The following C14orf39 variants were observed in gnomAD, a reference collection of about 807,000 sequenced individuals.
C14orf39 encodes protein SIX6OS1.
In C14orf39, 66 loss-of-function variants were observed where a neutral mutation model predicts 85.6. The observed-to-expected ratio is 0.77, with a 90% CI of 0.63 to 0.95. C14orf39 has a LOEUF of 0.95. Ranked by LOEUF, C14orf39 falls within the 40% of genes least tolerant of loss-of-function variation. The pLI, the probability that C14orf39 is intolerant of heterozygous loss-of-function variation, is 0.00. For synonymous variants in C14orf39, 242 were observed against 214.0 expected, an observed-to-expected ratio of 1.13 and a Z score of -1.14; for missense variants, 735 against 663.9, an observed-to-expected ratio of 1.11 and a Z score of -1.18.
chr14:60,483,920 A>C, intron 3 of C14orf39, 103 bp from the exon 4 acceptor site: 1 of 755,432 alleles, frequency 1.3e-6, no homozygotes, highest in Non-Finnish European at 2.0e-6. Flanking sequence ...AAAGGAAGAG[A>C]GCCAGAGAAT....
At chr14:60,457,133 G>C in intron 14 of C14orf39, 38 bp from the exon 15 acceptor site, 1 of 1,352,602 alleles carries the variant, frequency 7.4e-7, no homozygotes, top group Non-Finnish European at 1.0e-6. Context: ...TAAAACAAAT[G>C]CTGCTGCATT....
chr14:60,460,660 T>C (rs1891479361), intron 13 of C14orf39, among the ~76,000 whole-genome samples: 1 of 151,846 alleles, frequency 6.6e-6, no homozygotes, highest in Admixed American at 6.6e-5. Flanking sequence ...ATTATGTTAA[T>C]ATACATATAC....
chr14:60,511,039 G>A (rs1566691488), intron 1 of C14orf39: 3 of 1,596,448 alleles, frequency 1.9e-6, no homozygotes, highest in Non-Finnish European at 2.6e-6. Context: ...GGCGACGGGC[G>A]GCTGTGTTAC....
intron 1 of C14orf39, chr14:60,509,409 T>C (rs780214504): frequency 1.3e-6 from 2 of 1,599,376 alleles, no homozygotes; most frequent in African/African-American, 2.7e-5. Context: ...ATGTTCCAGC[T>C]GCCCATCTTG....
chr14:60,441,096 G>C (rs1469362982), intron 17 of C14orf39, among the ~76,000 whole-genome samples: 1 of 151,920 alleles, frequency 6.6e-6, no homozygotes. Flanking sequence ...AATGACCTTG[G>C]AGCCTGACTT....
intron 5 of C14orf39, among the ~76,000 whole-genome samples, chr14:60,475,885 C>G (rs149432923): frequency 6.6e-6 from 1 of 152,046 alleles, no homozygotes; most frequent in Non-Finnish European, 1.5e-5. Context: ...TCAAGATTTT[C>G]TCATTTCTTG....
rs10529202 is a variant in C14orf39, at chr14:60,465,851, AACACACACACACAC to A, written c.972+114_972+127del. 2.0e-3 allele frequency: 819 copies of A among 414,936 alleles called. 7 individuals carry two copies. The highest frequency in any genetic ancestry group is 0.016 in the African/African-American group (742 of 47,698). The allele number at this position is 414,936 out of a possible 1,614,324, so 25.7% of individuals were successfully genotyped here. ...CTAATGGCTGATTTAATAAATTTAT[AACACACACACACAC>A]ACACACACACACACACACACACACA... On this transcript the variant is annotated intron_variant, in intron 11 of 17. Transcript: ENST00000321731.
intron 1 of C14orf39, chr14:60,511,364 T>C: frequency 1.5e-6 from 2 of 1,301,338 alleles, no homozygotes; most frequent in Non-Finnish European, 2.2e-6. Flanking sequence ...AGAAGCCAGG[T>C]GACCAGGGAC....
intron 16 of C14orf39, among the ~76,000 whole-genome samples, chr14:60,449,372 G>A (rs993966109): frequency 1.3e-5 from 2 of 151,880 alleles, no homozygotes; most frequent in African/African-American, 2.4e-5. Context: ...TTCTATTGAC[G>A]TACAGTGTAA....
chr14:60,509,269 C>T (rs1893251808), intron 1 of C14orf39: 1 of 813,630 alleles, frequency 1.2e-6, no homozygotes, highest in African/African-American at 1.7e-5. Flanking sequence ...ACCGCCGCCA[C>T]CCGGTAGTGT....
intron 15 of C14orf39, among the ~76,000 whole-genome samples, chr14:60,456,357 T>C (rs1412975836): frequency 1.3e-5 from 2 of 151,774 alleles, no homozygotes; most frequent in Non-Finnish European, 1.5e-5. Flanking sequence ...TATGAAGAAA[T>C]GACTGATGGA....
At chr14:60,501,299 C>G (rs1335471932) in intron 1 of C14orf39, among the ~76,000 whole-genome samples, 1 of 103,754 alleles carries the variant, frequency 9.6e-6, no homozygotes, top group Non-Finnish European at 1.9e-5. Flanking sequence ...GAGCAAGACC[C>G]TGTCTCCAAA....
At chr14:60,440,518 C>G (rs1890458728) in intron 17 of C14orf39, among the ~76,000 whole-genome samples, 1 of 152,204 alleles carries the variant, frequency 6.6e-6, no homozygotes, top group African/African-American at 2.4e-5. Context: ...ACTACTACTA[C>G]TCATCAATTC....
chr14:60,474,063 G>A (rs1362829529), intron 5 of C14orf39, among the ~76,000 whole-genome samples: 2 of 152,012 alleles, frequency 1.3e-5, no homozygotes, highest in Non-Finnish European at 2.9e-5. Flanking sequence ...ATTTGTTTGT[G>A]TCCTCTTTTA....
chr14:60,475,362 G>A lies in C14orf39; in HGVS notation c.323+2938C>T, dbSNP rs1394393828. 8.6e-5 allele frequency among the ~76,000 whole-genome samples: 13 copies of A among 151,612 alleles called. No homozygotes were observed. In the South Asian group the frequency reaches 1.7e-3, roughly 19 times the overall value. On this transcript the variant is annotated intron_variant, in intron 5 of 17. Coordinates refer to ENST00000321731, the MANE Select transcript of C14orf39 (RefSeq NM_174978.3). ...AAAACCGGCTCCTACACAAAAAACC[G>A]TTCAAATAACCTTTTTTTCTTATTT...
At chr14:60,438,269 G>A (rs1427027423) in intron 17 of C14orf39, among the ~76,000 whole-genome samples, 1 of 152,086 alleles carries the variant, frequency 6.6e-6, no homozygotes, top group East Asian at 1.9e-4. Flanking sequence ...CAGATGGATA[G>A]ATGGACAGAC....
In C14orf39 at chr14:60,470,675, A is replaced by C. The variant is rs145665311; in HGVS notation, c.554+742T>G. On this transcript the variant is annotated intron_variant, in intron 7 of 17. Transcript: ENST00000321731. ...GCAAATGAACAACAAAAAACAGAAG[A>C]GACTAAAACCAAAACATGGAAAAAG... is the stretch of plus-strand genomic sequence containing the variant. Among the ~76,000 whole-genome samples the C allele has an allele frequency of 1.2e-3, 175 of 152,100 alleles. 2 individuals are homozygous for C. In the East Asian group the frequency reaches 0.02, roughly 17 times the overall value.
chr14:60,470,838 G>T (rs1173559503), intron 7 of C14orf39, among the ~76,000 whole-genome samples: 1 of 151,932 alleles, frequency 6.6e-6, no homozygotes, highest in Admixed American at 6.6e-5. Context: ...TGTGGAGGTT[G>T]AAAGAGGATT....
In C14orf39 at chr14:60,483,709, A is replaced by G. The variant is rs766455797; in HGVS notation, c.215T>C (p.Ile72Thr). 1 of 1,594,102 alleles carries G rather than the reference A, an allele frequency of 6.3e-7. No homozygotes were observed. The highest frequency in any genetic ancestry group is 2.3e-5 in the East Asian group (1 of 44,194). ...IDHYCKHSEE[I>T]KDNCRNWKPT... Reference sequence around the variant, plus strand: ...TACTCACTTTCTACAGTTGTCTTTAATCTCCTCACTATGTTTACAGTAATG... The same window carrying G: ...TACTCACTTTCTACAGTTGTCTTTAGTCTCCTCACTATGTTTACAGTAATG... The change falls in exon 4 of 18, where the codon ATT (isoleucine) becomes ACT (threonine). Residue 72 changes from isoleucine (I) to threonine (T), a missense_variant. Transcript: ENST00000321731.
Sources: allele counts gnomAD v4.1 joint callset (sites outside exome capture counted in the v4.1 genomes callset), GRCh38; gene constraint gnomAD v4.1.1; transcripts MANE v1.5; gene names NCBI Gene and HGNC (gene_info 2026-07-23, HGNC 2026-07-21).